ZNF483: variants seen among roughly 807,000 people sequenced by gnomAD.
ZNF483 encodes zinc finger protein 483, also known as zinc finger protein HIT-10.
In ZNF483, 9 loss-of-function variants were observed where a neutral mutation model predicts 28.6. The ratio of observed to expected loss-of-function variants is 0.32; its 90% confidence interval spans 0.19 to 0.55. ZNF483 has a LOEUF of 0.55. ZNF483 is among the 20% of genes least tolerant of loss of function. The probability of loss-of-function intolerance (pLI) is 0.93; values close to 1 mark genes in which losing one functional copy is unlikely to be tolerated. For missense variants in ZNF483, 675 were observed against 871.7 expected (o/e 0.77, Z 2.84); for synonymous variants, 322 against 306.2 (o/e 1.05, Z -0.54).
rs546650644 is a variant in ZNF483 at position 111,541,208 on chromosome 9, G to A, written c.722-449G>A. Among the ~76,000 whole-genome samples, 9 of 150,608 alleles carry A rather than the reference G, an allele frequency of 6.0e-5. No individual in the cohort carries two copies. In the East Asian group the frequency reaches 1.8e-3, roughly 30 times the overall value. ...GGGTTCAAGTGATTCTCCTGCCTCA[G>A]CCTCCCAAGTAGCTGGGACCATAGG... On this transcript the variant is annotated intron_variant, in intron 5 of 5. Coordinates refer to ENST00000309235, the MANE Select transcript of ZNF483 (RefSeq NM_133464.5).
chr9:111,549,866 A>G lies in ZNF483; in HGVS notation c.*6696A>G. The G allele has an allele frequency of 9.9e-7, 1 of 1,008,802 alleles. No homozygotes were observed. Among genetic ancestry groups the G allele is most frequent in the East Asian group, 2.6e-5 (1 of 38,218 alleles). 62.5% of individuals were successfully genotyped at this position (1,008,802 alleles called of 1,614,324 possible). On this transcript the variant is annotated 3_prime_UTR_variant, in exon 6 of 6. Coordinates refer to ENST00000309235, the MANE Select transcript of ZNF483 (RefSeq NM_133464.5). ...AAGGCAGTTGCTTTAAAGTCTGTCT[A>G]GTGAGTCAATGTTTGGTCTTCCTCA... is the stretch of plus-strand genomic sequence containing the variant.
At position 111,530,866 on chromosome 9, in the gene ZNF483, C is replaced by A; in HGVS notation, c.413-9C>A. Reference sequence around the variant, plus strand: ...TGAACGACTGGACTGGTTTTCTCCCCTTTCCTAGATCCAGTCTCTCAAGAT... The same window carrying A: ...TGAACGACTGGACTGGTTTTCTCCCATTTCCTAGATCCAGTCTCTCAAGAT... On this transcript the variant is annotated splice_polypyrimidine_tract_variant and intron_variant, in intron 2 of 5. Coordinates refer to ENST00000309235, the MANE Select transcript of ZNF483 (RefSeq NM_133464.5). 2 of 1,391,962 alleles carry A rather than the reference C, an allele frequency of 1.4e-6. No homozygotes were observed. The highest frequency in any genetic ancestry group is 2.9e-5 in the South Asian group (2 of 69,662). The allele number at this position is 1,391,962 out of a possible 1,614,324, so 86.2% of individuals were successfully genotyped here.
At position 111,543,133 on chromosome 9, in the gene ZNF483, G is replaced by T; in HGVS notation, c.2198G>T (p.Gly733Val). 1 of 1,612,318 alleles carries T rather than the reference G, an allele frequency of 6.2e-7. No homozygotes were observed. Among genetic ancestry groups the T allele is most frequent in the Non-Finnish European group, 8.5e-7 (1 of 1,179,060 alleles). The change falls in exon 6 of 6, where the codon GGC becomes GTC. Residue 733 changes from glycine to valine, a missense_variant. Transcript: ENST00000309235. ...ECEKTFKSNS[G>V]LIRHRGFHSA... ...GAGAAGACATTTAAAAGTAATTCAG[G>T]CCTCATTAGACATCGGGGATTTCAC...
intron 5 of ZNF483, among the ~76,000 whole-genome samples, chr9:111,560,551 G>A (rs377244270): frequency 1.3e-4 from 19 of 142,060 alleles, no homozygotes; most frequent in East Asian, 1.1e-3. Context: ...TGAGGCAGGA[G>A]AATTGCTTGA....
Position 111,530,968 on chromosome 9 carries a change from G to C in ZNF483, c.501+5G>C. On this transcript the variant is annotated splice_donor_5th_base_variant and intron_variant, in intron 3 of 5. Coordinates refer to ENST00000309235, the MANE Select transcript of ZNF483 (RefSeq NM_133464.5). ...TGTCCCAATACTGAGTCCTGTGTAA[G>C]TTTCCTTTGATGGTTTTTATTCCTA... 6.9e-7 allele frequency: 1 copy of C among 1,449,768 alleles called. No individual in the cohort carries two copies. Among genetic ancestry groups the C allele is most frequent in the Non-Finnish European group, 9.4e-7 (1 of 1,067,056 alleles). 89.8% of individuals were successfully genotyped at this position (1,449,768 alleles called of 1,614,324 possible).
intron 5 of ZNF483, among the ~76,000 whole-genome samples, chr9:111,561,160 AG>A (rs1465332581): frequency 1.7e-4 from 24 of 139,208 alleles, no homozygotes; most frequent in Middle Eastern, 3.5e-3. Context: ...AGAGAGAGAG[AG>A]AGAGAGAGAG....
chr9:111,563,500 T>C, intron 5 of ZNF483: 1 of 270,614 alleles, frequency 3.7e-6, no homozygotes, highest in Non-Finnish European at 6.9e-6. Context: ...AAGCAATCTC[T>C]TTTTCTTTCT....
At chr9:111,576,272 TG>T in intron 5 of ZNF483, 2 of 1,309,624 alleles carry the variant, frequency 1.5e-6, no homozygotes, top group East Asian at 4.6e-5. Flanking sequence ...TCATTATTAG[TG>T]GATTTCATAT....
At chr9:111,541,235 G>T (rs1197194898) in intron 5 of ZNF483, among the ~76,000 whole-genome samples, 1 of 151,860 alleles carries the variant, frequency 6.6e-6, no homozygotes, top group Non-Finnish European at 1.5e-5. Context: ...GACCATAGGT[G>T]CATGCCACCA....
intron 2 of ZNF483, among the ~76,000 whole-genome samples, chr9:111,529,675 A>G (rs910883830): frequency 6.6e-6 from 1 of 152,266 alleles, no homozygotes; most frequent in African/African-American, 2.4e-5. Context: ...AACTGAGGGT[A>G]TACAGAAAGA....
At chr9:111,535,920 A>T (rs538655532) in intron 5 of ZNF483, among the ~76,000 whole-genome samples, 1 of 138,258 alleles carries the variant, frequency 7.2e-6, no homozygotes. Context: ...TTTTTGAGAC[A>T]GAGTTACCCA....
At chr9:111,538,231 C>T (rs79988562) in intron 5 of ZNF483, among the ~76,000 whole-genome samples, 1,614 of 151,444 alleles carry the variant, frequency 0.011, 34 homozygotes, top group African/African-American at 0.037. Flanking sequence ...AAAAAATCCA[C>T]GGGCTGGGCA....
At chr9:111,574,629 G>T in intron 5 of ZNF483, 112 of 649,590 alleles carry the variant, frequency 1.7e-4, no homozygotes, top group Non-Finnish European at 2.4e-4. Flanking sequence ...AAGAATATAT[G>T]AAAATCTTTC....
intron 5 of ZNF483, among the ~76,000 whole-genome samples, chr9:111,573,624 C>T (rs1828929582): frequency 6.6e-6 from 1 of 152,062 alleles, no homozygotes; most frequent in South Asian, 2.1e-4. Context: ...CTTAATAGCA[C>T]AGAATCACTG....
In ZNF483 at chr9:111,551,444, G is replaced by A. The variant is rs1827949299; in HGVS notation, c.*8274G>A. Among the ~76,000 whole-genome samples, 1 of 107,004 alleles carries A rather than the reference G, an allele frequency of 9.3e-6. No individual in the cohort carries two copies. 70.2% of individuals were successfully genotyped at this position (107,004 alleles called of 152,430 possible). ...TTTTTTTGAGATGGAGTCTCACTCT[G>A]TTGCCCAGGCTGGAGTGCAGTGGCG... On this transcript the variant is annotated 3_prime_UTR_variant, in exon 6 of 6. Transcript: ENST00000309235.
intron 5 of ZNF483, among the ~76,000 whole-genome samples, chr9:111,568,929 A>C (rs1482660972): frequency 1.3e-5 from 2 of 152,222 alleles, no homozygotes; most frequent in African/African-American, 2.4e-5. Flanking sequence ...TGAAGATAGA[A>C]CCACCAGAAT....
chr9:111,564,275 CTTTTATTA>C (rs1232366319), intron 5 of ZNF483: 1 of 692,846 alleles, frequency 1.4e-6, no homozygotes. Flanking sequence ...GAAATTTAAA[CTTTTATTA>C]TTATTATTAT....
chr9:111,534,818 G>A (rs1827444239), intron 5 of ZNF483, among the ~76,000 whole-genome samples: 1 of 146,570 alleles, frequency 6.8e-6, no homozygotes, highest in Admixed American at 7.0e-5. Flanking sequence ...CCGCCTCCCG[G>A]GTTCAAGTGA....
Position 111,533,803 on chromosome 9 carries a change from C to A in ZNF483, c.566C>A (p.Pro189His), listed in dbSNP as rs565460400. The A allele has an allele frequency of 1.3e-6, 2 of 1,590,926 alleles. No individual in the cohort carries two copies. Among genetic ancestry groups the A allele is most frequent in the African/African-American group, 2.7e-5 (2 of 73,142 alleles). ...AGAGGAGAGTGGAAGAAGCTGGAGC[C>A]TTTTCAAAAGGAGCTATATAAGGAA... The part of the protein sequence containing the change: ...FSRGEWKKLE[P>H]FQKELYKEVL... The change falls in exon 4 of 6, where the codon CCT (proline) becomes CAT (histidine). Residue 189 changes from proline to histidine, a missense_variant. This residue lies in a region of ZNF483 where 525 missense variants were observed against 581.8 expected (regional missense o/e 0.90). Coordinates refer to ENST00000309235, the MANE Select transcript of ZNF483 (RefSeq NM_133464.5).
Sources: allele counts gnomAD v4.1 joint callset (sites outside exome capture counted in the v4.1 genomes callset), GRCh38; gene constraint gnomAD v4.1.1; regional missense constraint gnomAD v4.1.1; transcripts MANE v1.5; gene names NCBI Gene and HGNC (gene_info 2026-07-23, HGNC 2026-07-21).